Variants in UBR1 observed in about 807,000 individuals in gnomAD.
UBR1 encodes the protein E3 ubiquitin-protein ligase UBR1.
UBR1 carries 102 observed loss-of-function variants against 242.1 expected under a neutral mutation model. The observed-to-expected ratio is 0.42, with a 90% CI of 0.36 to 0.50. The LOEUF (loss-of-function observed/expected upper bound fraction) is 0.50. Among genes scored for constraint, UBR1 ranks in the 20% least tolerant of loss-of-function variants. The pLI is 0.01. For synonymous variants in UBR1, 675 were observed against 684.8 expected (o/e 0.99, Z 0.22); for missense variants, 1,772 against 2,101.8 (o/e 0.84, Z 3.07).
At chr15:42,968,625 A>T (rs2032151317) in intron 40 of UBR1, among the ~76,000 whole-genome samples, 1 of 151,876 alleles carries the variant, frequency 6.6e-6, no homozygotes, top group Non-Finnish European at 1.5e-5. Flanking sequence ...GCACCCAGCA[A>T]CCCGTCATCT....
At chr15:42,946,333 G>A (rs1198700905) in intron 46 of UBR1, among the ~76,000 whole-genome samples, 1 of 152,022 alleles carries the variant, frequency 6.6e-6, no homozygotes, top group East Asian at 1.9e-4. Context: ...TCACAATGTT[G>A]GCCAGGCTAG....
rs944617397 is a variant in UBR1, at chr15:42,978,885, C to T, written c.4151-938G>A. On this transcript the variant is annotated intron_variant, in intron 37 of 46. Coordinates refer to ENST00000290650, the MANE Select transcript of UBR1 (RefSeq NM_174916.3). ...CTGGGATTGCAGGCACGCGCCACCACGCCCGGCTTTTTTTTTTTTTTTTTT... is the reference window on the plus strand; with the variant it reads ...CTGGGATTGCAGGCACGCGCCACCATGCCCGGCTTTTTTTTTTTTTTTTTT... 4.1e-5 allele frequency among the ~76,000 whole-genome samples: 6 copies of T among 146,372 alleles called. 1 individual carries two copies. The highest frequency in any genetic ancestry group is 4.4e-4 in the South Asian group (2 of 4,546).
In UBR1 at chr15:43,059,143, GTCAGGT is replaced by G. The variant is rs763926062; in HGVS notation, c.1029_1034del (p.Glu343_Pro344del). The G allele has an allele frequency of 1.3e-5, 21 of 1,614,136 alleles. No individual in the cohort carries two copies. In the South Asian group the frequency reaches 2.2e-4, roughly 17 times the overall value. On this transcript the variant is annotated inframe_deletion, in exon 9 of 47. Transcript: ENST00000290650. ...TGCTTATGAGACAGGGATTCTCCGA[GTCAGGT>G]TCTTCTCTAAGGCATGCTTGGCAAA... is the stretch of plus-strand genomic sequence containing the variant.
At chr15:43,014,850 C>T (rs1201496167) in intron 29 of UBR1, among the ~76,000 whole-genome samples, 3 of 150,370 alleles carry the variant, frequency 2.0e-5, no homozygotes, top group Non-Finnish European at 4.4e-5. Context: ...TCAGCCCCCG[C>T]CCGGCCAGCC....
At chr15:42,955,117 TATC>T (rs1173842895) in intron 44 of UBR1, among the ~76,000 whole-genome samples, 3 of 152,094 alleles carry the variant, frequency 2.0e-5, no homozygotes, top group Non-Finnish European at 4.4e-5. Context: ...AGTGAACTGA[TATC>T]GTGCCACTGC....
chr15:43,062,117 A>T (rs1409388019), intron 6 of UBR1, among the ~76,000 whole-genome samples: 3 of 152,200 alleles, frequency 2.0e-5, no homozygotes, highest in Non-Finnish European at 4.4e-5. Context: ...TTCCCATATG[A>T]TCCAGCAATT....
At chr15:43,053,235 G>T (rs1451039266) in intron 12 of UBR1, among the ~76,000 whole-genome samples, 1 of 152,164 alleles carries the variant, frequency 6.6e-6, no homozygotes, top group African/African-American at 2.4e-5. Flanking sequence ...TACTATAAGG[G>T]TAGGTATTTA....
At chr15:42,963,567 A>G (rs1389599004) in intron 42 of UBR1, among the ~76,000 whole-genome samples, 3 of 152,124 alleles carry the variant, frequency 2.0e-5, no homozygotes, top group South Asian at 4.1e-4. Flanking sequence ...CTCCTGATAC[A>G]TGCGCTACCA....
chr15:43,007,045 A>G (rs773491976), intron 30 of UBR1, 34 bp downstream of exon 30: 6 of 1,606,124 alleles, frequency 3.7e-6, no homozygotes, highest in African/African-American at 2.7e-5. Context: ...ATGAAAAGAA[A>G]TGCACAAAAG....
At chr15:43,071,392 G>A (rs192070866) in intron 4 of UBR1, among the ~76,000 whole-genome samples, 1 of 152,258 alleles carries the variant, frequency 6.6e-6, no homozygotes, top group Non-Finnish European at 1.5e-5. Flanking sequence ...CTGCTCATAC[G>A]AAGTATCTAA....
At chr15:43,100,597 G>A (rs1184361213) in intron 1 of UBR1, among the ~76,000 whole-genome samples, 1 of 152,200 alleles carries the variant, frequency 6.6e-6, no homozygotes. Flanking sequence ...AGCAGTTTGG[G>A]AGGCTGAGGC....
intron 1 of UBR1, among the ~76,000 whole-genome samples, chr15:43,101,466 A>G (rs1293575539): frequency 1.3e-5 from 2 of 152,176 alleles, no homozygotes; most frequent in African/African-American, 4.8e-5. Context: ...CTACTGAGAC[A>G]GGGACAACAA....
chr15:42,994,063 CT>C (rs1383583507), intron 33 of UBR1, among the ~76,000 whole-genome samples: 1 of 152,094 alleles, frequency 6.6e-6, no homozygotes, highest in Non-Finnish European at 1.5e-5. Flanking sequence ...CTCTCTCTAG[CT>C]TTTTCCTTGC....
Position 42,945,239 on chromosome 15 carries a change from ACTTTCCCAGCC to A in UBR1, c.*79_*89del. Reference sequence around the variant, plus strand: ...GACATGGAGCAAAAGACCCTCCAATACTTTCCCAGCCCTCAGAAAGTTTTCCATAATTTTGA... The same window carrying A: ...GACATGGAGCAAAAGACCCTCCAATACTCAGAAAGTTTTCCATAATTTTGA... On this transcript the variant is annotated 3_prime_UTR_variant, in exon 47 of 47. Coordinates refer to ENST00000290650, the MANE Select transcript of UBR1 (RefSeq NM_174916.3). 6.3e-7 allele frequency: 1 copy of A among 1,585,018 alleles called. No individual in the cohort carries two copies. Among genetic ancestry groups the A allele is most frequent in the Non-Finnish European group, 8.6e-7 (1 of 1,158,062 alleles).
chr15:42,960,749 AT>A (rs2141255324), intron 42 of UBR1, 48 bp from the exon 43 acceptor site: 1 of 1,577,066 alleles, frequency 6.3e-7, no homozygotes, highest in East Asian at 2.3e-5. Flanking sequence ...CACAGCTTCA[AT>A]GCATGATTTG....
At chr15:43,018,223 G>C (rs548740605) in intron 27 of UBR1, among the ~76,000 whole-genome samples, 1 of 151,958 alleles carries the variant, frequency 6.6e-6, no homozygotes, top group Non-Finnish European at 1.5e-5. Flanking sequence ...GGATGGTCTC[G>C]ATCTCCTGAC....
Position 42,976,768 on chromosome 15 carries a change from G to T in UBR1, c.4318C>A (p.His1440Asn). Residue 1440 changes from histidine (H) to asparagine (N), a missense_variant, in exon 39 of 47, where the codon CAT becomes AAT. By Grantham distance (68) the His-to-Asn change is moderately conservative. Coordinates refer to ENST00000290650, the MANE Select transcript of UBR1 (RefSeq NM_174916.3). ...AGCATGTGTGCCATGGTGATCAAAT[G>T]GAAGAGATAAAGGTGGTTATAGGAA... is the stretch of plus-strand genomic sequence containing the variant. ...SSSYNHLYLF[H>N]LITMAHMLQI... The T allele has an allele frequency of 6.2e-7, 1 of 1,614,076 alleles. No homozygotes were observed. Among genetic ancestry groups the T allele is most frequent in the Non-Finnish European group, 8.5e-7 (1 of 1,180,004 alleles).
rs1172554412 is a variant in UBR1 at position 43,086,046 on chromosome 15, G to A, written c.276C>T (p.His92=). 6.2e-7 allele frequency: 1 copy of A among 1,613,746 alleles called. No individual in the cohort carries two copies. Among genetic ancestry groups the A allele is most frequent in the African/African-American group, 1.3e-5 (1 of 74,820 alleles). Residue 92 remains histidine, a synonymous_variant, in exon 2 of 47, where the codon CAC becomes CAT. Coordinates refer to ENST00000290650, the MANE Select transcript of UBR1 (RefSeq NM_174916.3). The part of the protein sequence containing the change: ...DPDICLEKLK[H]SGAFQLCGRV... ...TCCCACAAAGCTGAAATGCTCCACT[G>A]TGCTTCAATTTCTCTAAGCAAATAT...
rs1185458230 is a variant in UBR1, at chr15:42,976,701, C to A, written c.4369+16G>T. 1 of 1,613,712 alleles carries A rather than the reference C, an allele frequency of 6.2e-7. No individual in the cohort carries two copies. The highest frequency in any genetic ancestry group is 8.5e-7 in the Non-Finnish European group (1 of 1,179,890). On this transcript the variant is annotated intron_variant, in intron 39 of 46. Transcript: ENST00000290650. ...CAAAATGTTATTCACAGTCAACACC[C>A]AGATGAAAACCTTACCTGTGTCTAC... is the stretch of plus-strand genomic sequence containing the variant.
Sources: allele counts gnomAD v4.1 joint callset (sites outside exome capture counted in the v4.1 genomes callset), GRCh38; gene constraint gnomAD v4.1.1; transcripts MANE v1.5; gene names NCBI Gene and HGNC (gene_info 2026-07-23, HGNC 2026-07-21).